The following TACC2 variants were observed in gnomAD, a reference collection of about 807,000 sequenced individuals.
TACC2 encodes the protein transforming acidic coiled-coil containing protein 2.
Under a neutral mutation model 227.3 loss-of-function variants are expected in TACC2, and 137 were observed. The ratio of observed to expected loss-of-function variants is 0.60; its 90% CI spans 0.52 to 0.69. The LOEUF (loss-of-function observed/expected upper bound fraction) is 0.69. TACC2 is among the 30% of genes least tolerant of loss of function. The pLI, the probability that TACC2 is intolerant of heterozygous loss-of-function variation, is 0.00. For missense variants in TACC2, 3,470 were observed against 3,694.4 expected (o/e 0.94, Z 1.57); for synonymous variants, 1,523 against 1,487.5 (o/e 1.02, Z -0.55).
intron 8 of TACC2, among the ~76,000 whole-genome samples, chr10:122,204,197 G>GAGGGA (rs2095022843): frequency 6.8e-6 from 1 of 146,104 alleles, no homozygotes; most frequent in Non-Finnish European, 1.5e-5. Context: ...GGGAGGGGGA[G>GAGGGA]GGGGAGGGGT....
chr10:122,248,174 T>G (rs2096170754), intron 19 of TACC2: 1 of 155,140 alleles, frequency 6.4e-6, no homozygotes, highest in Non-Finnish European at 1.4e-5. Context: ...TTTCCAGATG[T>G]GTTAAGGATC....
At chr10:122,162,817 G>A (rs1187670800) in intron 7 of TACC2, among the ~76,000 whole-genome samples, 1 of 152,162 alleles carries the variant, frequency 6.6e-6, no homozygotes, top group South Asian at 2.1e-4. Flanking sequence ...TCACAGAGCT[G>A]AGCCGATGCA....
At chr10:122,229,094 G>C (rs1216095442) in intron 14 of TACC2, among the ~76,000 whole-genome samples, 1 of 152,058 alleles carries the variant, frequency 6.6e-6, no homozygotes, top group African/African-American at 2.4e-5. Context: ...AGTGAGGGTG[G>C]CGTGGGGGTG....
At chr10:122,113,978 C>G (rs1265829040) in intron 5 of TACC2, among the ~76,000 whole-genome samples, 1 of 152,236 alleles carries the variant, frequency 6.6e-6, no homozygotes, top group African/African-American at 2.4e-5. Context: ...CAATCCTGGT[C>G]TTTTCTTAAA....
chr10:122,006,162 A>T (rs139462434), intron 1 of TACC2, among the ~76,000 whole-genome samples: 1,858 of 152,118 alleles, frequency 0.012, 44 homozygotes, highest in African/African-American at 0.041. Context: ...AAAAAATAGG[A>T]TGCTGGCCAG....
rs2137078552 is a variant in TACC2 at position 122,082,975 on chromosome 10, G to T, written c.475G>T (p.Asp159Tyr). 1.2e-6 allele frequency: 2 copies of T among 1,612,846 alleles called. No homozygotes were observed. The highest frequency in any genetic ancestry group is 2.2e-5 in the South Asian group (2 of 91,062). ...CGCGGCGGCATTTCCCGCTGAGAGG[G>T]ACAGCTCTACTCCATACCAAGAGAT... ...DIAAAFPAER[D>Y]SSTPYQEIAA... Residue 159 changes from aspartate to tyrosine, a missense_variant, in exon 4 of 23, where the codon GAC becomes TAC. Around this residue, in one of 10 missense-constraint regions of TACC2, gnomAD observed 405 missense variants for 389.6 expected, o/e 1.04. Coordinates refer to ENST00000369005, the MANE Select transcript of TACC2 (RefSeq NM_206862.4).
At chr10:122,079,087 A>G (rs1340609800) in intron 3 of TACC2, 4 of 152,254 alleles carry the variant, frequency 2.6e-5, no homozygotes, top group Non-Finnish European at 5.9e-5. Flanking sequence ...AGCTTGATAA[A>G]GCCGACATAA....
intron 5 of TACC2, among the ~76,000 whole-genome samples, chr10:122,097,127 A>G (rs2081531008): frequency 6.6e-6 from 1 of 151,540 alleles, no homozygotes; most frequent in Non-Finnish European, 1.5e-5. Flanking sequence ...GGAGTTAGAG[A>G]CCAGCTTGGG....
chr10:121,997,969 A>G (rs1953760204), intron 1 of TACC2, among the ~76,000 whole-genome samples: 1 of 152,100 alleles, frequency 6.6e-6, no homozygotes, highest in Non-Finnish European at 1.5e-5. Flanking sequence ...CCAAGACTTC[A>G]GGTGGTGGCA....
At chr10:122,208,815 A>G (rs2095212465) in intron 8 of TACC2, among the ~76,000 whole-genome samples, 2 of 152,092 alleles carry the variant, frequency 1.3e-5, no homozygotes, top group Admixed American at 1.3e-4. Flanking sequence ...AGCTCCGTTT[A>G]CTCCTCATTC....
intron 1 of TACC2, among the ~76,000 whole-genome samples, chr10:122,014,528 G>A (rs1956332974): frequency 6.6e-6 from 1 of 152,058 alleles, no homozygotes; most frequent in African/African-American, 2.4e-5. Flanking sequence ...GTGTGATCTT[G>A]TCTCCGATTC....
intron 2 of TACC2, among the ~76,000 whole-genome samples, chr10:122,032,482 A>G (rs1959104478): frequency 6.6e-6 from 1 of 152,164 alleles, no homozygotes; most frequent in Admixed American, 6.5e-5. Flanking sequence ...TTCACAGATT[A>G]AAGACCAGGC....
chr10:122,038,553 G>A (rs1351417544), intron 2 of TACC2, among the ~76,000 whole-genome samples: 1 of 152,168 alleles, frequency 6.6e-6, no homozygotes, highest in African/African-American at 2.4e-5. Context: ...GGTGGTCGTT[G>A]TCTTGAGACG....
chr10:122,114,068 G>T (rs1378366342), intron 5 of TACC2, among the ~76,000 whole-genome samples: 1 of 152,222 alleles, frequency 6.6e-6, no homozygotes, highest in Non-Finnish European at 1.5e-5. Flanking sequence ...ATGTGATAGC[G>T]GGTTGAAATA....
intron 3 of TACC2, among the ~76,000 whole-genome samples, chr10:122,070,196 T>A (rs912518629): frequency 1.1e-4 from 16 of 152,342 alleles, no homozygotes; most frequent in Middle Eastern, 3.4e-3. Context: ...CGTCAGAGAA[T>A]GCCCCAAATT....
chr10:122,175,434 G>C (rs1015691152), intron 7 of TACC2, among the ~76,000 whole-genome samples: 3 of 152,160 alleles, frequency 2.0e-5, no homozygotes, highest in Admixed American at 2.0e-4. Flanking sequence ...CTTCATTCCC[G>C]TGCTAATCCT....
At chr10:122,148,340 G>A (rs1227422431) in intron 7 of TACC2, among the ~76,000 whole-genome samples, 1 of 152,216 alleles carries the variant, frequency 6.6e-6, no homozygotes, top group Non-Finnish European at 1.5e-5. Context: ...CTGACCTCAG[G>A]TGATCCGACC....
chr10:122,215,735 ACTT>A (rs1300569633), intron 10 of TACC2, among the ~76,000 whole-genome samples: 4 of 152,118 alleles, frequency 2.6e-5, no homozygotes, highest in Non-Finnish European at 4.4e-5. Context: ...TCTGCTGTGA[ACTT>A]CTAGGACTGT....
intron 3 of TACC2, among the ~76,000 whole-genome samples, chr10:122,068,584 A>T (rs892655870): frequency 6.6e-6 from 1 of 152,024 alleles, no homozygotes; most frequent in Non-Finnish European, 1.5e-5. Flanking sequence ...CAGATGCCTT[A>T]TGAGTGATGA....
Sources: gnomAD v4.1 joint callset for allele counts (sites outside exome capture counted in the v4.1 genomes callset) on GRCh38, gnomAD v4.1.1 for gene constraint, gnomAD v4.1.1 regional missense constraint, MANE v1.5 for transcripts, NCBI Gene and HGNC (gene_info 2026-07-23, HGNC 2026-07-21) for gene names.